Variants in CACHD1 observed in about 807,000 individuals in gnomAD.
CACHD1 encodes cache domain containing 1.
CACHD1 carries 71 observed loss-of-function variants against 138.7 expected under a neutral mutation model. That is an observed-to-expected ratio of 0.51 (90% CI 0.42 to 0.62). CACHD1 has a LOEUF of 0.62. CACHD1 is among the 20% of genes least tolerant of loss of function. The probability of loss-of-function intolerance (pLI) is 0.00; values close to 1 mark genes in which losing one functional copy is unlikely to be tolerated. For missense variants in CACHD1, 1,389 were observed against 1,625.3 expected, an observed-to-expected ratio of 0.85 and a Z score of 2.50; for synonymous variants, 578 against 591.5, an observed-to-expected ratio of 0.98 and a Z score of 0.33.
Position 64,681,991 on chromosome 1 carries a change from T to C in CACHD1, c.3485-14T>C. On this transcript the variant is annotated splice_polypyrimidine_tract_variant and intron_variant, in intron 25 of 26. Transcript: ENST00000651257. ...GGCATAAGAGTGACATTAACTGTCC[T>C]TGGCTTCCTACAGTCAGCAACACTC... The C allele has an allele frequency of 6.2e-7, 1 of 1,612,668 alleles. No individual in the cohort carries two copies. Among genetic ancestry groups the C allele is most frequent in the Non-Finnish European group, 8.5e-7 (1 of 1,178,686 alleles).
chr1:64,547,657 G>A (rs1319518277), intron 1 of CACHD1, among the ~76,000 whole-genome samples: 2 of 152,066 alleles, frequency 1.3e-5, no homozygotes, highest in Non-Finnish European at 2.9e-5. Context: ...ATGAGCCACC[G>A]CACCCAGCCT....
intron 1 of CACHD1, among the ~76,000 whole-genome samples, chr1:64,486,983 G>A (rs1646246827): frequency 6.6e-6 from 1 of 152,174 alleles, no homozygotes; most frequent in Non-Finnish European, 1.5e-5. Context: ...AGCAGCCTAG[G>A]AGGACCTGGA....
chr1:64,645,226 A>G (rs1347971641), intron 8 of CACHD1, among the ~76,000 whole-genome samples: 1 of 152,212 alleles, frequency 6.6e-6, no homozygotes, highest in Admixed American at 6.5e-5. Context: ...TCTAACAAAA[A>G]TATAGTTAGA....
At chr1:64,540,985 T>A (rs1449891238) in intron 1 of CACHD1, among the ~76,000 whole-genome samples, 1 of 152,234 alleles carries the variant, frequency 6.6e-6, no homozygotes, top group East Asian at 1.9e-4. Context: ...TGTGAGTGTG[T>A]GTGTGTGTGT....
intron 4 of CACHD1, among the ~76,000 whole-genome samples, chr1:64,614,271 C>T (rs1284336214): frequency 3.3e-5 from 5 of 152,100 alleles, no homozygotes; most frequent in African/African-American, 1.2e-4. Context: ...GGTCTAGACA[C>T]CTGGCTGGAC....
intron 17 of CACHD1, 84 bp downstream of exon 17, chr1:64,671,770 T>C: frequency 6.5e-7 from 1 of 1,526,842 alleles, no homozygotes; most frequent in African/African-American, 1.4e-5. Flanking sequence ...GGGAACCGCA[T>C]AGTTATGGTC....
At chr1:64,633,644 C>T (rs1226960041) in intron 6 of CACHD1, among the ~76,000 whole-genome samples, 1 of 152,130 alleles carries the variant, frequency 6.6e-6, no homozygotes, top group Non-Finnish European at 1.5e-5. Context: ...TTTGCCAACT[C>T]CAGAGGTTTT....
At chr1:64,524,914 A>G (rs567127870) in intron 1 of CACHD1, among the ~76,000 whole-genome samples, 2 of 152,082 alleles carry the variant, frequency 1.3e-5, no homozygotes, top group Admixed American at 1.3e-4. Flanking sequence ...ACTCATTTCC[A>G]TTTTCAGATG....
intron 26 of CACHD1, among the ~76,000 whole-genome samples, chr1:64,687,641 G>A (rs995261975): frequency 1.3e-5 from 2 of 152,078 alleles, no homozygotes; most frequent in African/African-American, 4.8e-5. Flanking sequence ...AGTGTCACTG[G>A]ACTCTGTCAT....
In CACHD1 at chr1:64,513,459, C is replaced by A. The variant is rs114987958; in HGVS notation, c.199-37135C>A. Among the ~76,000 whole-genome samples the A allele has an allele frequency of 5.5e-3, 830 of 152,160 alleles. 8 individuals are homozygous for A. Among genetic ancestry groups the A allele is most frequent in the African/African-American group, 0.019 (799 of 41,516 alleles). On this transcript the variant is annotated intron_variant, in intron 1 of 26. Coordinates refer to ENST00000651257, the MANE Select transcript of CACHD1 (RefSeq NM_020925.4). ...TATCTGCTTTATGTAAAGCACTGTG[C>A]GAATGCCATGGAGAAAAGGAGGAAG...
intron 4 of CACHD1, among the ~76,000 whole-genome samples, chr1:64,614,834 G>A (rs1202448154): frequency 6.6e-6 from 1 of 152,080 alleles, no homozygotes; most frequent in Non-Finnish European, 1.5e-5. Context: ...TTCTCTTCTA[G>A]AAGAATAATT....
Position 64,654,811 on chromosome 1 carries a change from A to G in CACHD1, c.1782+8A>G, listed in dbSNP as rs945135208. The stretch of plus-strand genomic sequence containing the variant: ...AGCTATGCCTGGAAGATGGTGAGTG[A>G]GAGGAAGTTGTGTTTGCTTGAAGAG... On this transcript the variant is annotated splice_region_variant and intron_variant, in intron 12 of 26. Coordinates refer to ENST00000651257, the MANE Select transcript of CACHD1 (RefSeq NM_020925.4). 1.3e-6 allele frequency: 2 copies of G among 1,590,648 alleles called. No homozygotes were observed. Among genetic ancestry groups the G allele is most frequent in the Non-Finnish European group, 1.7e-6 (2 of 1,158,848 alleles).
chr1:64,655,265 C>G (rs1428469629), intron 12 of CACHD1, among the ~76,000 whole-genome samples: 1 of 152,130 alleles, frequency 6.6e-6, no homozygotes, highest in Admixed American at 6.6e-5. Context: ...ACTTTTCATT[C>G]CCCATAAGTA....
chr1:64,658,241 C>T (rs1019538992), intron 12 of CACHD1, among the ~76,000 whole-genome samples: 3 of 152,240 alleles, frequency 2.0e-5, no homozygotes, highest in African/African-American at 4.8e-5. Context: ...GGCTGCTCCT[C>T]AGTCCTTTCT....
intron 11 of CACHD1, 29 bp downstream of exon 11, chr1:64,653,910 GT>G: frequency 1.9e-6 from 3 of 1,604,258 alleles, no homozygotes; most frequent in Non-Finnish European, 1.7e-6. Flanking sequence ...TCATAGGATT[GT>G]TTTTCCCTGA....
intron 26 of CACHD1, among the ~76,000 whole-genome samples, chr1:64,687,039 T>C (rs541485155): frequency 4.1e-4 from 63 of 152,318 alleles, no homozygotes; most frequent in Non-Finnish European, 6.0e-4. Flanking sequence ...AAACCTAATC[T>C]CGGCTCTTTT....
intron 15 of CACHD1, among the ~76,000 whole-genome samples, chr1:64,664,970 C>T (rs1274470021): frequency 6.6e-6 from 1 of 152,026 alleles, no homozygotes; most frequent in African/African-American, 2.4e-5. Flanking sequence ...AAATGTGTCC[C>T]TACTGGATAG....
At chr1:64,651,089 A>C (rs182461562) in intron 9 of CACHD1, among the ~76,000 whole-genome samples, 130 of 151,986 alleles carry the variant, frequency 8.6e-4, no homozygotes, top group African/African-American at 2.9e-3. Context: ...TAATTATCCT[A>C]TTGTTGTTGT....
intron 5 of CACHD1, among the ~76,000 whole-genome samples, 159 bp from the exon 6 acceptor site, chr1:64,632,440 A>G (rs769691858): frequency 6.2e-4 from 95 of 152,122 alleles, no homozygotes; most frequent in African/African-American, 9.2e-4. Flanking sequence ...CAATGCACCA[A>G]TATGGTTTCT....
Sources: allele counts gnomAD v4.1 joint callset (sites outside exome capture counted in the v4.1 genomes callset), GRCh38; gene constraint gnomAD v4.1.1; transcripts MANE v1.5; gene names NCBI Gene and HGNC (gene_info 2026-07-23, HGNC 2026-07-21).